CACNA2D3: variants seen among roughly 807,000 people sequenced by gnomAD.
CACNA2D3 encodes voltage-dependent calcium channel subunit alpha-2/delta-3.
In CACNA2D3, 60 loss-of-function variants were observed where a neutral mutation model predicts 160.6. The observed-to-expected ratio is 0.37, with a 90% CI of 0.30 to 0.46. CACNA2D3 has a LOEUF of 0.46. CACNA2D3 is among the 20% of genes least tolerant of loss of function. CACNA2D3 has a pLI of 1.00. For synonymous variants in CACNA2D3, 558 were observed against 492.9 expected, an observed-to-expected ratio of 1.13 and a Z score of -1.75; for missense variants, 1,205 against 1,365.0, an observed-to-expected ratio of 0.88 and a Z score of 1.85.
In CACNA2D3 at chr3:54,428,580, C is replaced by A. The variant is rs534764699; in HGVS notation, c.381+41806C>A. Among the ~76,000 whole-genome samples, 306 of 143,868 alleles carry A rather than the reference C, an allele frequency of 2.1e-3. 1 individual carries two copies. The highest frequency in any genetic ancestry group is 4.0e-3 in the Non-Finnish European group (259 of 65,186). 94.4% of individuals were successfully genotyped at this position (143,868 alleles called of 152,430 possible). ...AAAAATCTGGAACTTTGATATATTT[C>A]TTTTTTTTTTTTTCACCTTTTACTT... On this transcript the variant is annotated intron_variant, in intron 4 of 37. Transcript: ENST00000474759.
intron 11 of CACNA2D3, among the ~76,000 whole-genome samples, chr3:54,692,489 C>T (rs1700588694): frequency 6.6e-6 from 1 of 152,178 alleles, no homozygotes; most frequent in Non-Finnish European, 1.5e-5. Context: ...GGCCTGGGTG[C>T]CCAGCTCTGG....
chr3:54,554,540 C>G (rs971814331), intron 5 of CACNA2D3, among the ~76,000 whole-genome samples: 2 of 152,136 alleles, frequency 1.3e-5, no homozygotes, highest in Admixed American at 1.3e-4. Context: ...TGTTCTGGGA[C>G]TAGTGAATGG....
chr3:54,158,923 G>T, intron 2 of CACNA2D3, among the ~76,000 whole-genome samples: 1 of 152,208 alleles, frequency 6.6e-6, no homozygotes, highest in East Asian at 1.9e-4. Flanking sequence ...AAGTATTGTC[G>T]TATGACTTAC....
chr3:54,512,412 A>C (rs1701473671), intron 5 of CACNA2D3, among the ~76,000 whole-genome samples: 1 of 152,212 alleles, frequency 6.6e-6, no homozygotes, highest in Non-Finnish European at 1.5e-5. Context: ...GTTTACTGAG[A>C]GCTCAATTGT....
At chr3:54,303,547 TA>T in intron 2 of CACNA2D3, among the ~76,000 whole-genome samples, 1 of 152,342 alleles carries the variant, frequency 6.6e-6, no homozygotes, top group East Asian at 1.9e-4. Context: ...CTATGAAATG[TA>T]TGACTGGAGT....
intron 11 of CACNA2D3, among the ~76,000 whole-genome samples, chr3:54,746,582 G>A (rs1701757286): frequency 1.3e-5 from 2 of 152,226 alleles, no homozygotes; most frequent in African/African-American, 4.8e-5. Flanking sequence ...CATGAATGTG[G>A]GCACCGATAG....
At chr3:54,930,345 C>G (rs1216911986) in intron 27 of CACNA2D3, among the ~76,000 whole-genome samples, 1 of 152,158 alleles carries the variant, frequency 6.6e-6, no homozygotes, top group African/African-American at 2.4e-5. Context: ...CTTCTTATGT[C>G]CAGAACCTTG....
intron 27 of CACNA2D3, among the ~76,000 whole-genome samples, chr3:54,953,719 G>A (rs1293642429): frequency 2.0e-5 from 3 of 152,178 alleles, no homozygotes; most frequent in Admixed American, 6.5e-5. Context: ...GCCTGTGAAC[G>A]CTTGGGGCAA....
intron 8 of CACNA2D3, among the ~76,000 whole-genome samples, chr3:54,573,060 T>G (rs1702526055): frequency 6.6e-6 from 1 of 152,186 alleles, no homozygotes; most frequent in Admixed American, 6.5e-5. Context: ...AAAATTTTTT[T>G]ACCCCAAATT....
intron 13 of CACNA2D3, among the ~76,000 whole-genome samples, chr3:54,803,225 G>A (rs992029000): frequency 8.5e-5 from 13 of 152,226 alleles, no homozygotes; most frequent in African/African-American, 1.4e-4. Flanking sequence ...ACTTTGACGA[G>A]TTGAGGGAAG....
At chr3:54,522,933 T>TTTATTTATTTATTTACTTACTTAC (rs1252705201) in intron 5 of CACNA2D3, among the ~76,000 whole-genome samples, 1 of 135,344 alleles carries the variant, frequency 7.4e-6, no homozygotes, top group African/African-American at 2.8e-5. Flanking sequence ...TATTTATTTA[T>TTTATTTATTTATTTACTTACTTAC]TTACTTACTT....
intron 35 of CACNA2D3, among the ~76,000 whole-genome samples, chr3:55,021,681 A>ATATATATATATGTGTG (rs935633088): frequency 1.4e-4 from 8 of 58,392 alleles, no homozygotes; most frequent in Non-Finnish European, 2.6e-4. Context: ...ATATATGTGT[A>ATATATATATATGTGTG]TATATATATA....
intron 11 of CACNA2D3, among the ~76,000 whole-genome samples, chr3:54,710,871 A>C (rs1273097371): frequency 6.6e-6 from 1 of 152,220 alleles, no homozygotes; most frequent in Non-Finnish European, 1.5e-5. Context: ...TAGAATATTT[A>C]ATTAAATCTC....
At chr3:54,903,164 C>G (rs1007624933) in intron 27 of CACNA2D3, among the ~76,000 whole-genome samples, 1 of 152,100 alleles carries the variant, frequency 6.6e-6, no homozygotes, top group Non-Finnish European at 1.5e-5. Context: ...GGTATTAAGC[C>G]TGGTACCCAT....
chr3:54,735,931 A>T (rs936829002), intron 11 of CACNA2D3, among the ~76,000 whole-genome samples: 3 of 140,194 alleles, frequency 2.1e-5, no homozygotes, highest in Non-Finnish European at 4.7e-5. Context: ...TCGAGAGATT[A>T]TGGTACTAGA....
intron 5 of CACNA2D3, among the ~76,000 whole-genome samples, chr3:54,560,421 T>C (rs1702306330): frequency 6.6e-6 from 1 of 152,206 alleles, no homozygotes; most frequent in South Asian, 2.1e-4. Flanking sequence ...TTGTCCACTT[T>C]TTAATAGGAT....
At chr3:54,756,081 G>T (rs1386800249) in intron 12 of CACNA2D3, among the ~76,000 whole-genome samples, 1 of 152,184 alleles carries the variant, frequency 6.6e-6, no homozygotes, top group Non-Finnish European at 1.5e-5. Context: ...ATAGAATATA[G>T]CCTTTAGGAT....
At chr3:54,551,583 A>C (rs1161833836) in intron 5 of CACNA2D3, among the ~76,000 whole-genome samples, 2 of 152,080 alleles carry the variant, frequency 1.3e-5, no homozygotes, top group Non-Finnish European at 2.9e-5. Flanking sequence ...GGGAAAGTGG[A>C]TTTGTTTCCA....
Position 54,203,319 on chromosome 3 carries a change from G to T in CACNA2D3, c.204+79725G>T, listed in dbSNP as rs538647745. On this transcript the variant is annotated intron_variant, in intron 2 of 37. Transcript: ENST00000474759. ...TGCCTTGTTGCTCAAACCTCTAGGG[G>T]AGCATACAGATGGGCAGGCTGTGGG... Among the ~76,000 whole-genome samples, 5 of 152,294 alleles carry T rather than the reference G, an allele frequency of 3.3e-5. No individual in the cohort carries two copies. The South Asian group carries it at 6.2e-4, about 19-fold the overall frequency.
Sources: gnomAD v4.1 joint callset for allele counts (sites outside exome capture counted in the v4.1 genomes callset) on GRCh38, gnomAD v4.1.1 for gene constraint, MANE v1.5 for transcripts, NCBI Gene and HGNC (gene_info 2026-07-23, HGNC 2026-07-21) for gene names.